The following CLASP2 variants were observed in gnomAD, a reference collection of about 807,000 sequenced individuals.
CLASP2 encodes the protein cytoplasmic linker associated protein 2.
CLASP2 carries 47 observed loss-of-function variants against 194.4 expected under a neutral mutation model. That is an observed-to-expected ratio of 0.24 (90% confidence interval 0.19 to 0.31). The LOEUF (loss-of-function observed/expected upper bound fraction) is 0.31. Ranked by LOEUF, CLASP2 falls within the 10% of genes least tolerant of loss-of-function variation. The pLI is 1.00. For synonymous variants in CLASP2, 619 were observed against 633.5 expected, an observed-to-expected ratio of 0.98 and a Z score of 0.34; for missense variants, 1,445 against 1,823.6, an observed-to-expected ratio of 0.79 and a Z score of 3.78.
At chr3:33,612,172 G>T in intron 12 of CLASP2, 101 bp from the exon 13 acceptor site, 2 of 688,198 alleles carry the variant, frequency 2.9e-6, no homozygotes, top group Non-Finnish European at 4.9e-6. Context: ...GTTACAAGAG[G>T]ACAAAAAGAC....
At chr3:33,583,145 A>G (rs954943847) in intron 22 of CLASP2, among the ~76,000 whole-genome samples, 1 of 152,202 alleles carries the variant, frequency 6.6e-6, no homozygotes, top group Non-Finnish European at 1.5e-5. Flanking sequence ...GCTGAGCAAG[A>G]GGCCTAGATG....
chr3:33,578,758 T>A (rs1325725410), intron 23 of CLASP2, among the ~76,000 whole-genome samples: 1 of 152,192 alleles, frequency 6.6e-6, no homozygotes, highest in Non-Finnish European at 1.5e-5. Context: ...CTTTACAGAA[T>A]CAATAGTTAT....
At chr3:33,708,199 G>A (rs1456064928) in intron 1 of CLASP2, among the ~76,000 whole-genome samples, 1 of 151,434 alleles carries the variant, frequency 6.6e-6, no homozygotes, top group Non-Finnish European at 1.5e-5. Flanking sequence ...TGTACCCTTT[G>A]ACCAATACCT....
chr3:33,685,081 C>T (rs1357416227), intron 5 of CLASP2, among the ~76,000 whole-genome samples: 4 of 151,130 alleles, frequency 2.6e-5, no homozygotes, highest in African/African-American at 4.9e-5. Context: ...TGGCTCATGC[C>T]TGTAATCGCA....
chr3:33,632,343 T>G lies in CLASP2; in HGVS notation c.891A>C (p.Ala297=). ...CTTTTATAAAATCATCTTCATCAACTGCTCCAGCACCTCCTTCCTTAGAAG... is the reference window on the plus strand; with the variant it reads ...CTTTTATAAAATCATCTTCATCAACGGCTCCAGCACCTCCTTCCTTAGAAG... ...GGASKEGGAG[A]VDEDDFIKAF... is the part of the protein sequence containing the mutation. Residue 297 remains alanine (A), a synonymous_variant, in exon 9 of 39, where the codon GCA becomes GCC. Coordinates refer to ENST00000682230, the MANE Select transcript of CLASP2 (RefSeq NM_001365631.1). 6.2e-7 allele frequency: 1 copy of G among 1,604,940 alleles called. No homozygotes were observed. Among genetic ancestry groups the G allele is most frequent in the Non-Finnish European group, 8.5e-7 (1 of 1,175,952 alleles).
At chr3:33,693,817 A>G (rs2091598769) in intron 2 of CLASP2, among the ~76,000 whole-genome samples, 1 of 152,090 alleles carries the variant, frequency 6.6e-6, no homozygotes, top group African/African-American at 2.4e-5. Flanking sequence ...CTGACAGTAA[A>G]TGCACAGGGA....
At chr3:33,644,451 C>A in intron 8 of CLASP2, 2 of 321,818 alleles carry the variant, frequency 6.2e-6, no homozygotes, top group Non-Finnish European at 5.9e-6. Flanking sequence ...TCTGAAAAAC[C>A]TGTTCTCTGC....
chr3:33,617,933 TTA>T lies in CLASP2; in HGVS notation c.1317+1668_1317+1669del, dbSNP rs1206814946. Among the ~76,000 whole-genome samples the T allele has an allele frequency of 9.4e-4, 135 of 142,894 alleles. 3 individuals carry two copies. Among genetic ancestry groups the T allele is most frequent in the Middle Eastern group, 3.7e-3 (1 of 270 alleles). 93.7% of individuals were successfully genotyped at this position (142,894 alleles called of 152,430 possible). A position where few individuals can be genotyped will look rare whatever the true frequency, so the allele number is the denominator to read the frequency against. Reference sequence around the variant, plus strand: ...AGAATGGTGCGGATAATTATTATTATTATATATATATATATATATTTTTTTTT... The same window carrying T: ...AGAATGGTGCGGATAATTATTATTATTATATATATATATATATTTTTTTTT... On this transcript the variant is annotated intron_variant, in intron 12 of 38. Transcript: ENST00000682230.
chr3:33,509,615 A>C (rs1176203551), intron 37 of CLASP2, among the ~76,000 whole-genome samples: 7 of 152,220 alleles, frequency 4.6e-5, no homozygotes, highest in Admixed American at 1.3e-4. Flanking sequence ...TAGAATAAAA[A>C]ATACAATACT....
At chr3:33,708,533 T>C (rs1477043283) in intron 1 of CLASP2, among the ~76,000 whole-genome samples, 1 of 33,404 alleles carries the variant, frequency 3.0e-5, no homozygotes, top group Non-Finnish European at 5.3e-5. Context: ...TGTATATATA[T>C]ATGTATATAT....
Position 33,627,023 on chromosome 3 carries a change from C to A in CLASP2, c.1000G>T (p.Asp334Tyr). 1 of 1,597,522 alleles carries A rather than the reference C, an allele frequency of 6.3e-7. No individual in the cohort carries two copies. The highest frequency in any genetic ancestry group is 8.5e-7 in the Non-Finnish European group (1 of 1,170,622). The change falls in exon 10 of 39, where the codon GAT becomes TAT. Residue 334 changes from aspartate to tyrosine, a missense_variant. Asp to Tyr is a radical substitution (Grantham distance 160). This residue lies in a region of CLASP2 where 207 missense variants were observed against 331.4 expected (regional missense o/e 0.62). Transcript: ENST00000682230. ...CGCTGATCCCAGTCATGTTTATCAT[C>A]TGACAAAATTTCCCTGATTTTATTT... ...TLNKIREILS[D>Y]DKHDWDQRAN... is the part of the protein sequence containing the mutation.
chr3:33,577,614 T>C (rs1303336929), intron 23 of CLASP2, among the ~76,000 whole-genome samples: 1 of 152,208 alleles, frequency 6.6e-6, no homozygotes, highest in African/African-American at 2.4e-5. Context: ...CCTTTAATCC[T>C]GACATCCAAT....
intron 21 of CLASP2, among the ~76,000 whole-genome samples, chr3:33,586,449 A>AT (rs2067390605): frequency 6.6e-6 from 1 of 152,094 alleles, no homozygotes; most frequent in Admixed American, 6.6e-5. Flanking sequence ...CAAATGAGTA[A>AT]TTTTCAGTTT....
rs560070853 is a variant in CLASP2, at chr3:33,650,146, A to G, written c.716-5243T>C. Among the ~76,000 whole-genome samples, 5 of 152,346 alleles carry G rather than the reference A, an allele frequency of 3.3e-5. No homozygotes were observed. In the South Asian group the frequency reaches 8.3e-4, roughly 25 times the overall value. On this transcript the variant is annotated intron_variant, in intron 7 of 38. Coordinates refer to ENST00000682230, the MANE Select transcript of CLASP2 (RefSeq NM_001365631.1). Reference sequence around the variant, plus strand: ...TTGACTTTGGGAATTGAAAAATTATAAAAAGTGACATAGATTTTTAAAATA... The same window carrying G: ...TTGACTTTGGGAATTGAAAAATTATGAAAAGTGACATAGATTTTTAAAATA...
intron 18 of CLASP2, among the ~76,000 whole-genome samples, chr3:33,599,143 G>A (rs370415722): frequency 2.8e-4 from 42 of 151,818 alleles, no homozygotes; most frequent in Non-Finnish European, 4.7e-4. Context: ...TTTGGAGAAC[G>A]TGGAAAGGTC....
chr3:33,530,131 AT>A (rs1190022308), intron 34 of CLASP2, among the ~76,000 whole-genome samples: 4 of 152,104 alleles, frequency 2.6e-5, no homozygotes, highest in African/African-American at 4.8e-5. Flanking sequence ...AAAAAAAAAA[AT>A]AAGTATGAGT....
chr3:33,601,841 T>G (rs995448105), intron 18 of CLASP2, among the ~76,000 whole-genome samples: 3 of 152,154 alleles, frequency 2.0e-5, no homozygotes, highest in African/African-American at 7.2e-5. Context: ...AACTTTATCA[T>G]GCACTATACT....
intron 37 of CLASP2, among the ~76,000 whole-genome samples, chr3:33,509,619 C>T (rs1559785836): frequency 6.6e-6 from 1 of 152,126 alleles, no homozygotes; most frequent in South Asian, 2.1e-4. Flanking sequence ...ATAAAAAATA[C>T]AATACTATAG....
intron 30 of CLASP2, among the ~76,000 whole-genome samples, chr3:33,546,877 T>A (rs764029059): frequency 5.3e-5 from 8 of 152,218 alleles, no homozygotes; most frequent in Non-Finnish European, 1.2e-4. Context: ...TAAATTTTGA[T>A]GAAATCCAAC....
Sources: allele counts gnomAD v4.1 joint callset (sites outside exome capture counted in the v4.1 genomes callset), GRCh38; gene constraint gnomAD v4.1.1; regional missense constraint gnomAD v4.1.1; transcripts MANE v1.5; gene names NCBI Gene and HGNC (gene_info 2026-07-23, HGNC 2026-07-21).